Variants in ENPP3 observed in about 807,000 individuals in gnomAD.
ENPP3 encodes the protein ectonucleotide pyrophosphatase/phosphodiesterase 3.
A neutral mutation model predicts 117.8 loss-of-function variants in ENPP3; 104 were observed. The observed-to-expected ratio is 0.88, with a 90% CI of 0.75 to 1.04. ENPP3 has a LOEUF of 1.04. ENPP3 is among the 50% of genes least tolerant of loss of function. The pLI is 0.00. For synonymous variants in ENPP3, 380 were observed against 349.9 expected (o/e 1.09, Z -0.96); for missense variants, 1,026 against 1,051.9 (o/e 0.98, Z 0.34).
chr6:131,676,563 G>A (rs563150928), intron 9 of ENPP3, among the ~76,000 whole-genome samples, 173 bp from the exon 10 acceptor site: 1 of 152,152 alleles, frequency 6.6e-6, no homozygotes, highest in Non-Finnish European at 1.5e-5. Context: ...AGTGCCGCAA[G>A]TGTATCTATA....
chr6:131,692,191 C>T (rs1480909171), intron 14 of ENPP3, among the ~76,000 whole-genome samples: 1 of 151,866 alleles, frequency 6.6e-6, no homozygotes, highest in Non-Finnish European at 1.5e-5. Context: ...AATTTCGTTT[C>T]CTTTGTTTAT....
intron 1 of ENPP3, 121 bp from the exon 2 acceptor site, chr6:131,641,334 T>A (rs903219511): frequency 1.9e-6 from 1 of 529,770 alleles, no homozygotes; most frequent in African/African-American, 1.9e-5. Flanking sequence ...TTGTTGGATC[T>A]GGTATCTGGC....
intron 6 of ENPP3, among the ~76,000 whole-genome samples, chr6:131,661,547 C>T (rs552970892): frequency 6.6e-6 from 1 of 152,254 alleles, no homozygotes; most frequent in South Asian, 2.1e-4. Flanking sequence ...CCATCTCAGC[C>T]TCCCAAAGTG....
chr6:131,672,511 GT>G (rs1778766623), intron 7 of ENPP3, among the ~76,000 whole-genome samples: 1 of 152,012 alleles, frequency 6.6e-6, no homozygotes, highest in South Asian at 2.1e-4. Flanking sequence ...ATAAAAGAAG[GT>G]TATGTGTTGA....
At chr6:131,650,350 G>A (rs1171046360) in intron 3 of ENPP3, among the ~76,000 whole-genome samples, 2 of 151,946 alleles carry the variant, frequency 1.3e-5, no homozygotes, top group Non-Finnish European at 2.9e-5. Flanking sequence ...CTCCTGAGTA[G>A]CTAGGACCAC....
At chr6:131,676,405 T>G (rs563524224) in intron 9 of ENPP3, among the ~76,000 whole-genome samples, 2 of 152,332 alleles carry the variant, frequency 1.3e-5, no homozygotes, top group South Asian at 4.1e-4. Flanking sequence ...GAACAAATAG[T>G]ATCCAGCAAT....
At chr6:131,643,969 G>GTA (rs1490416161) in intron 2 of ENPP3, among the ~76,000 whole-genome samples, 95 of 151,708 alleles carry the variant, frequency 6.3e-4, no homozygotes, top group Middle Eastern at 3.4e-3. Context: ...GTGTGTGTGT[G>GTA]TGAAATAACT....
At chr6:131,720,168 A>C (rs2114526043) in intron 16 of ENPP3, 124 bp from the exon 17 acceptor site, 1 of 562,052 alleles carries the variant, frequency 1.8e-6, no homozygotes, top group East Asian at 2.9e-5. Flanking sequence ...ACTAAAAAAA[A>C]ATTCCTTACA....
At chr6:131,685,286 T>C (rs992634507) in intron 12 of ENPP3, 78 bp from the exon 13 acceptor site, 11 of 1,238,556 alleles carry the variant, frequency 8.9e-6, no homozygotes, top group Non-Finnish European at 1.3e-5. Flanking sequence ...ATAAAATGTC[T>C]TCTATTTGAC....
Position 131,709,443 on chromosome 6 carries a change from T to C in ENPP3, c.1413-9229T>C, listed in dbSNP as rs201130801. The C allele has an allele frequency of 4.7e-5, 75 of 1,600,078 alleles. 1 individual carries two copies. In the South Asian group the frequency reaches 7.8e-4, roughly 17 times the overall value. On this transcript the variant is annotated intron_variant, in intron 15 of 24. Transcript: ENST00000357639. ...TCGTTTCAGATGAAGGCCGACCCAATGGTGAGGGACTACATGGGGAATGCT... is the reference window on the plus strand; with the variant it reads ...TCGTTTCAGATGAAGGCCGACCCAACGGTGAGGGACTACATGGGGAATGCT...
In ENPP3 at chr6:131,691,232, C is replaced by T. The variant is rs146879327; in HGVS notation, c.1285-2265C>T. Among the ~76,000 whole-genome samples the T allele has an allele frequency of 2.1e-3, 322 of 152,006 alleles. No homozygotes were observed. The Middle Eastern group carries it at 0.024, about 11-fold the overall frequency. ...GAATTAACCAAGCATGAAGTGGCAA[C>T]TTTTTAAGTTCTGCAGCACTCTGAC... On this transcript the variant is annotated intron_variant, in intron 14 of 24. Transcript: ENST00000357639.
In ENPP3 at chr6:131,740,327, G is replaced by A. The variant is rs1343632288; in HGVS notation, c.2404G>A (p.Asp802Asn). 1.9e-6 allele frequency: 3 copies of A among 1,612,778 alleles called. No homozygotes were observed. Among genetic ancestry groups the A allele is most frequent in the South Asian group, 1.1e-5 (1 of 90,854 alleles). The change falls in exon 24 of 25, where the codon GAT becomes AAT. Residue 802 changes from aspartate (D) to asparagine (N), a missense_variant. Transcript: ENST00000357639. ...ACCGGAAAACTGCCCTGGGTGGCTGGATGTCCTACCCTTTATCATCCCTCA... is the reference window on the plus strand; with the variant it reads ...ACCGGAAAACTGCCCTGGGTGGCTGAATGTCCTACCCTTTATCATCCCTCA... ...HTPENCPGWLDVLPFIIPHRP... is the reference protein window; with the variant it reads ...HTPENCPGWLNVLPFIIPHRP...
chr6:131,741,869 A>G (rs1013332337), intron 24 of ENPP3, among the ~76,000 whole-genome samples: 2 of 152,180 alleles, frequency 1.3e-5, no homozygotes, highest in Non-Finnish European at 2.9e-5. Flanking sequence ...GGATTCATCT[A>G]TATTCTTTCA....
chr6:131,643,744 T>G (rs752728020), intron 2 of ENPP3, among the ~76,000 whole-genome samples: 3 of 152,182 alleles, frequency 2.0e-5, no homozygotes, highest in Non-Finnish European at 1.5e-5. Context: ...GAACATTATG[T>G]GCTTGGTATT....
chr6:131,702,546 C>T (rs1212750956), intron 15 of ENPP3, among the ~76,000 whole-genome samples: 1 of 151,294 alleles, frequency 6.6e-6, no homozygotes, highest in East Asian at 1.9e-4. Context: ...TGGATTTGGG[C>T]TTACTATTGA....
chr6:131,722,773 A>C (rs2114533064), intron 18 of ENPP3, among the ~76,000 whole-genome samples: 1 of 152,300 alleles, frequency 6.6e-6, no homozygotes, highest in East Asian at 1.9e-4. Context: ...TAGAGCAGAA[A>C]GAACTAGGAG....
chr6:131,738,488 C>T (rs1490049924), intron 23 of ENPP3, among the ~76,000 whole-genome samples: 1 of 148,768 alleles, frequency 6.7e-6, no homozygotes, highest in Non-Finnish European at 1.5e-5. Flanking sequence ...GAGTATAAAA[C>T]CAATCCAACA....
intron 2 of ENPP3, among the ~76,000 whole-genome samples, chr6:131,643,238 AG>A (rs889986576): frequency 7.9e-5 from 12 of 152,216 alleles, no homozygotes; most frequent in African/African-American, 2.2e-4. Context: ...AAATGTTGAC[AG>A]GCCATTTCAG....
intron 9 of ENPP3, 28 bp downstream of exon 9, chr6:131,675,217 C>A (rs780527425): frequency 4.7e-6 from 6 of 1,277,114 alleles, no homozygotes; most frequent in Non-Finnish European, 6.9e-6. Context: ...GATATTCTCC[C>A]AGCTAGGCAG....
Sources: gnomAD v4.1 joint callset for allele counts (sites outside exome capture counted in the v4.1 genomes callset) on GRCh38, gnomAD v4.1.1 for gene constraint, MANE v1.5 for transcripts, NCBI Gene and HGNC (gene_info 2026-07-23, HGNC 2026-07-21) for gene names.